Variants in PPARGC1A observed in about 807,000 individuals in gnomAD.
PPARGC1A encodes the protein PPARG coactivator 1 alpha, also known as peroxisome proliferator-activated receptor gamma coactivator 1-alpha.
A neutral mutation model predicts 88.7 loss-of-function variants in PPARGC1A; 25 were observed. The observed-to-expected ratio is 0.28, with a 90% CI of 0.21 to 0.39. The LOEUF is 0.39. Among genes scored for constraint, PPARGC1A ranks in the 10% least tolerant of loss-of-function variants. The pLI is 1.00. For synonymous variants in PPARGC1A, 363 were observed against 355.6 expected, an observed-to-expected ratio of 1.02 and a Z score of -0.24; for missense variants, 880 against 968.7, an observed-to-expected ratio of 0.91 and a Z score of 1.22.
chr4:24,160,318 G>C, the PPARGC1A span, among the ~76,000 whole-genome samples: 3 of 152,152 alleles, frequency 2.0e-5, no homozygotes, highest in African/African-American at 4.8e-5. Context: ...TTAGCAACTA[G>C]TGCAAATATA....
At chr4:24,236,873 T>C in the PPARGC1A span, among the ~76,000 whole-genome samples, 1 of 152,220 alleles carries the variant, frequency 6.6e-6, no homozygotes, top group Non-Finnish European at 1.5e-5. Flanking sequence ...TGCATTTAAA[T>C]GGCTAAAAGG....
the PPARGC1A span, among the ~76,000 whole-genome samples, chr4:23,912,833 G>T: frequency 6.6e-6 from 1 of 150,776 alleles, no homozygotes; most frequent in Admixed American, 6.6e-5. Context: ...CTGTCGCCCA[G>T]GCTGGAGTGC....
the PPARGC1A span, among the ~76,000 whole-genome samples, chr4:24,199,917 C>T: frequency 3.3e-5 from 5 of 152,174 alleles, no homozygotes; most frequent in East Asian, 1.9e-4. Context: ...TCTATGAGGA[C>T]GTTGCTGACA....
At chr4:23,869,182 C>T (rs1712717277) in intron 2 of PPARGC1A, among the ~76,000 whole-genome samples, 1 of 152,098 alleles carries the variant, frequency 6.6e-6, no homozygotes. Flanking sequence ...TCATGGCTGC[C>T]TGGCTGTATC....
rs1282626494 is a variant in PPARGC1A at position 23,877,481 on chromosome 4, T to C, written c.234+7271A>G. Among the ~76,000 whole-genome samples the C allele has an allele frequency of 3.1e-5, 4 of 129,440 alleles. No homozygotes were observed. In the East Asian group the frequency reaches 6.5e-4, roughly 21 times the overall value. The allele number at this position is 129,440 out of a possible 152,430, so 84.9% of individuals were successfully genotyped here. A position where few individuals can be genotyped will look rare whatever the true frequency, so the allele number is the denominator to read the frequency against. ...TGAACCCAGGAGGGGGAGGTTGCAGTGAGCTGAGATCTTGCCATTGCACTC... is the reference window on the plus strand; with the variant it reads ...TGAACCCAGGAGGGGGAGGTTGCAGCGAGCTGAGATCTTGCCATTGCACTC... On this transcript the variant is annotated intron_variant, in intron 2 of 12. Transcript: ENST00000264867.
At chr4:24,022,027 G>C in the PPARGC1A span, among the ~76,000 whole-genome samples, 178 of 152,306 alleles carry the variant, frequency 1.2e-3, 1 homozygote, top group African/African-American at 3.9e-3. Flanking sequence ...GAGAGGCGAG[G>C]AGTGGCCAGT....
the PPARGC1A span, among the ~76,000 whole-genome samples, chr4:24,388,703 G>A: frequency 6.6e-6 from 1 of 152,020 alleles, no homozygotes; most frequent in Non-Finnish European, 1.5e-5. Flanking sequence ...ATCATTCTCG[G>A]CAAAGTAACA....
chr4:24,441,859 A>C, the PPARGC1A span, among the ~76,000 whole-genome samples: 1 of 152,262 alleles, frequency 6.6e-6, no homozygotes, highest in East Asian at 1.9e-4. Context: ...TTAGCTCAAG[A>C]GCATGCTGCT....
chr4:23,877,178 G>C (rs182715207), intron 2 of PPARGC1A, among the ~76,000 whole-genome samples: 430 of 152,026 alleles, frequency 2.8e-3, no homozygotes, highest in Non-Finnish European at 4.8e-3. Context: ...TAAAGCATAG[G>C]ATGCTGCCTT....
the PPARGC1A span, among the ~76,000 whole-genome samples, chr4:24,071,669 C>T: frequency 6.6e-6 from 1 of 152,068 alleles, no homozygotes; most frequent in Non-Finnish European, 1.5e-5. Context: ...TATCAAAGCA[C>T]TATTCAGGAT....
At chr4:24,413,882 C>T in the PPARGC1A span, among the ~76,000 whole-genome samples, 1 of 152,178 alleles carries the variant, frequency 6.6e-6, no homozygotes, top group Non-Finnish European at 1.5e-5. Flanking sequence ...AGATTAGATC[C>T]TTCCCATATG....
the PPARGC1A span, among the ~76,000 whole-genome samples, chr4:24,167,566 T>C: frequency 6.6e-6 from 1 of 152,210 alleles, no homozygotes; most frequent in Non-Finnish European, 1.5e-5. Context: ...AATCAATTGA[T>C]GAGGCAAACT....
chr4:24,070,813 A>C, the PPARGC1A span, among the ~76,000 whole-genome samples: 1 of 152,230 alleles, frequency 6.6e-6, no homozygotes, highest in East Asian at 1.9e-4. Flanking sequence ...AAATTACATG[A>C]AATTCACATT....
intron 2 of PPARGC1A, among the ~76,000 whole-genome samples, chr4:23,876,926 A>T (rs1200397482): frequency 1.3e-5 from 2 of 152,190 alleles, no homozygotes; most frequent in Non-Finnish European, 2.9e-5. Flanking sequence ...AATAACTTGC[A>T]GTAGTAATGG....
chr4:24,318,086 G>T, the PPARGC1A span, among the ~76,000 whole-genome samples: 1 of 152,168 alleles, frequency 6.6e-6, no homozygotes. Flanking sequence ...AAATAATGGG[G>T]CCGCTCAAAG....
the PPARGC1A span, among the ~76,000 whole-genome samples, chr4:24,470,277 GACACACACACACACACACAC>G: frequency 5.7e-4 from 63 of 110,746 alleles, 1 homozygote; most frequent in African/African-American, 1.4e-3. The surrounding 1 kb of genome is among the most constrained non-coding windows in gnomAD (Gnocchi z 5.8). Flanking sequence ...GACAGACACA[GACACACACACACACACACAC>G]ACACACACAC....
the PPARGC1A span, among the ~76,000 whole-genome samples, chr4:24,086,636 G>T: frequency 6.6e-6 from 1 of 152,116 alleles, no homozygotes; most frequent in African/African-American, 2.4e-5. Flanking sequence ...ACCTTGCGTT[G>T]CAGGGCAACA....
chr4:24,461,894 T>C, the PPARGC1A span, among the ~76,000 whole-genome samples: 1 of 152,128 alleles, frequency 6.6e-6, no homozygotes, highest in African/African-American at 2.4e-5. Flanking sequence ...TCTGTGATTT[T>C]TCCAGCCAAA....
At chr4:24,109,367 TCCATAAGAATGCAACTTCTGTGGATTG>T in the PPARGC1A span, among the ~76,000 whole-genome samples, 30 of 151,728 alleles carry the variant, frequency 2.0e-4, no homozygotes, top group Non-Finnish European at 3.7e-4. Context: ...ATCACCTCTC[TCCATAAGAATGCAACTTCTGTGGATTG>T]GGGGTTGTGG....
Sources: allele counts gnomAD v4.1 joint callset (sites outside exome capture counted in the v4.1 genomes callset), GRCh38; gene constraint gnomAD v4.1.1; non-coding constraint Gnocchi (gnomAD v3.1); transcripts MANE v1.5; gene names NCBI Gene and HGNC (gene_info 2026-07-23, HGNC 2026-07-21).